The following LUZP1 variants were observed in gnomAD, a reference collection of about 807,000 sequenced individuals.
LUZP1 encodes the protein filamin mechanobinding actin cross-linking protein.
In LUZP1, 25 loss-of-function variants were observed where a neutral mutation model predicts 71.3. The ratio of observed to expected loss-of-function variants is 0.35; its 90% confidence interval spans 0.26 to 0.49. LUZP1 has a LOEUF of 0.49. LUZP1 is among the 20% of genes least tolerant of loss of function. LUZP1 has a pLI of 0.99. For synonymous variants in LUZP1, 481 were observed against 506.4 expected, an observed-to-expected ratio of 0.95 and a Z score of 0.67; for missense variants, 1,142 against 1,300.8, an observed-to-expected ratio of 0.88 and a Z score of 1.88.
intron 1 of LUZP1, among the ~76,000 whole-genome samples, chr1:23,170,353 TGTG>T (rs761788140): frequency 1.1e-4 from 16 of 152,164 alleles, no homozygotes; most frequent in Non-Finnish European, 2.1e-4. Context: ...AATATAGTCT[TGTG>T]GTGTTTGTTT....
chr1:23,131,219 CAAAAAAAAAAAAAAAA>C (rs71020480), intron 2 of LUZP1, among the ~76,000 whole-genome samples: 3 of 45,034 alleles, frequency 6.7e-5, no homozygotes, highest in Non-Finnish European at 1.1e-4. Context: ...GACTCCATCT[CAAAAAAAAAAAAAAAA>C]AAAAAAAAAA....
intron 2 of LUZP1, among the ~76,000 whole-genome samples, chr1:23,136,669 G>A (rs1644255396): frequency 6.6e-6 from 1 of 152,198 alleles, no homozygotes; most frequent in Admixed American, 6.5e-5. Flanking sequence ...AGCACTTTGG[G>A]AGGCCGAGGC....
Position 23,092,508 on chromosome 1 carries a change from G to A in LUZP1, c.1754C>T (p.Ala585Val), listed in dbSNP as rs145715496. The A allele has an allele frequency of 4.3e-6, 7 of 1,614,172 alleles. No individual in the cohort carries two copies. The African/African-American group carries it at 9.3e-5, about 22-fold the overall frequency. ...ACTGTTATCAGCCTCAAGGCCATTG[G>A]CAGCCTTTTTGCCTTTAGAGAGCCC... The change falls in exon 4 of 5, where the codon GCC becomes GTC. Residue 585 changes from alanine (A) to valine (V), a missense_variant. Transcript: ENST00000302291.
At chr1:23,170,314 T>C (rs954016358) in intron 1 of LUZP1, among the ~76,000 whole-genome samples, 1 of 152,214 alleles carries the variant, frequency 6.6e-6, no homozygotes, top group Non-Finnish European at 1.5e-5. Context: ...TCTCTGAGCC[T>C]GTCTTCTCAT....
intron 2 of LUZP1, among the ~76,000 whole-genome samples, chr1:23,116,036 C>T (rs887014807): frequency 2.0e-5 from 3 of 152,158 alleles, no homozygotes; most frequent in Non-Finnish European, 2.9e-5. Flanking sequence ...ATCACTCGAG[C>T]CCAGGAGTTT....
intron 2 of LUZP1, among the ~76,000 whole-genome samples, chr1:23,139,632 A>G (rs972987646): frequency 1.3e-5 from 2 of 152,222 alleles, no homozygotes; most frequent in Non-Finnish European, 2.9e-5. Context: ...ATAAGAGTAC[A>G]AGTATATAAT....
chr1:23,128,558 C>T (rs1252165538), intron 2 of LUZP1, among the ~76,000 whole-genome samples: 1 of 152,164 alleles, frequency 6.6e-6, no homozygotes, highest in East Asian at 1.9e-4. Flanking sequence ...ATTAAAACCC[C>T]ATTATATTTG....
chr1:23,134,311 T>A (rs1379096308), intron 2 of LUZP1, among the ~76,000 whole-genome samples: 1 of 151,488 alleles, frequency 6.6e-6, no homozygotes, highest in South Asian at 2.1e-4. Context: ...CAAGACCCCA[T>A]TTCTATAAAA....
At chr1:23,085,315 AT>A (rs1371408939) in exon 5 of LUZP1, 1 of 152,642 alleles carries the variant, frequency 6.6e-6, no homozygotes, top group Non-Finnish European at 1.5e-5. Flanking sequence ...ATACAAAAAA[AT>A]AGACTTTATT....
At chr1:23,125,819 A>G (rs1480741058) in intron 2 of LUZP1, among the ~76,000 whole-genome samples, 1 of 152,226 alleles carries the variant, frequency 6.6e-6, no homozygotes. Flanking sequence ...CGAATCTTAA[A>G]TAAGCAAGTA....
At chr1:23,116,064 C>T (rs1277911931) in intron 2 of LUZP1, among the ~76,000 whole-genome samples, 4 of 152,198 alleles carry the variant, frequency 2.6e-5, no homozygotes, top group African/African-American at 9.6e-5. Flanking sequence ...GCCTGGGCAA[C>T]ATAGCAAGAC....
intron 2 of LUZP1, among the ~76,000 whole-genome samples, chr1:23,163,201 C>G (rs1225620388): frequency 1.4e-5 from 2 of 146,702 alleles, no homozygotes; most frequent in African/African-American, 5.1e-5. Context: ...GATCACACCA[C>G]TTCACTCCAG....
intron 2 of LUZP1, among the ~76,000 whole-genome samples, chr1:23,130,603 A>G (rs923311318): frequency 2.7e-5 from 4 of 149,968 alleles, no homozygotes; most frequent in Non-Finnish European, 5.9e-5. Flanking sequence ...GGCTCAAGCA[A>G]TCCTCCCACC....
At chr1:23,104,040 T>C (rs1249843867) in intron 3 of LUZP1, among the ~76,000 whole-genome samples, 1 of 151,856 alleles carries the variant, frequency 6.6e-6, no homozygotes, top group Non-Finnish European at 1.5e-5. Context: ...GTAAGGTCTC[T>C]GTGGTAGGTT....
At chr1:23,137,730 G>T (rs1420028447) in intron 2 of LUZP1, among the ~76,000 whole-genome samples, 1 of 152,118 alleles carries the variant, frequency 6.6e-6, no homozygotes, top group Admixed American at 6.5e-5. Flanking sequence ...AGAATGCAGA[G>T]AAACTGGAAC....
exon 5 of LUZP1, chr1:23,084,866 G>GAAAT (rs374625808): frequency 5.9e-4 from 90 of 152,580 alleles, no homozygotes; most frequent in African/African-American, 2.0e-3. Flanking sequence ...ATTACACAAT[G>GAAAT]AAATAAATAA....
intron 3 of LUZP1, among the ~76,000 whole-genome samples, chr1:23,101,737 T>C (rs1215188086): frequency 1.3e-5 from 2 of 152,186 alleles, no homozygotes; most frequent in Non-Finnish European, 2.9e-5. Flanking sequence ...GTAGCCAGGA[T>C]AAGAAATGCT....
chr1:23,168,310 C>A (rs1163508141), intron 2 of LUZP1, among the ~76,000 whole-genome samples: 2 of 145,786 alleles, frequency 1.4e-5, no homozygotes, highest in Non-Finnish European at 3.1e-5. Context: ...CCCCGCGCAG[C>A]CCCCTCCACG....
chr1:23,119,374 T>C (rs376584847), intron 2 of LUZP1, among the ~76,000 whole-genome samples: 1 of 148,084 alleles, frequency 6.8e-6, no homozygotes, highest in East Asian at 2.1e-4. Flanking sequence ...TCCTCCTGCC[T>C]CAGCCTCCTG....
Sources: allele counts gnomAD v4.1 joint callset (sites outside exome capture counted in the v4.1 genomes callset), GRCh38; gene constraint gnomAD v4.1.1; transcripts MANE v1.5; gene names NCBI Gene and HGNC (gene_info 2026-07-23, HGNC 2026-07-21).